ZNF678: variants seen among roughly 807,000 people sequenced by gnomAD.
ZNF678 encodes zinc finger protein 678.
Under a neutral mutation model 3.0 loss-of-function variants are expected in ZNF678, and 5 were observed. That is an observed-to-expected ratio of 1.69 (90% CI 0.88 to 3.56). The LOEUF (loss-of-function observed/expected upper bound fraction) is 3.56. Ranked by LOEUF, ZNF678 falls within the 30% of genes most tolerant of loss-of-function variation. ZNF678 has a pLI of 0.00. For synonymous variants in ZNF678, 218 were observed against 199.6 expected, an observed-to-expected ratio of 1.09 and a Z score of -0.78; for missense variants, 593 against 605.0, an observed-to-expected ratio of 0.98 and a Z score of 0.21.
At chr1:227,570,670 T>C (rs68170204) in intron 1 of ZNF678, among the ~76,000 whole-genome samples, 11,814 of 144,712 alleles carry the variant, frequency 0.082, 894 homozygotes, top group East Asian at 0.37. Flanking sequence ...GATGGCTGAC[T>C]AGTTTTTTTT....
intron 1 of ZNF678, among the ~76,000 whole-genome samples, chr1:227,624,388 A>G (rs1658355387): frequency 6.6e-6 from 1 of 152,232 alleles, no homozygotes; most frequent in Non-Finnish European, 1.5e-5. Flanking sequence ...GCATACTCAG[A>G]GTACCTGGTT....
intron 3 of ZNF678, among the ~76,000 whole-genome samples, chr1:227,653,523 T>G (rs1407697247): frequency 6.6e-6 from 1 of 152,122 alleles, no homozygotes; most frequent in Non-Finnish European, 1.5e-5. Flanking sequence ...CATGTTACCC[T>G]GATAACTTTG....
chr1:227,673,059 T>C (rs1258180279), intron 5 of ZNF678, among the ~76,000 whole-genome samples: 1 of 152,118 alleles, frequency 6.6e-6, no homozygotes, highest in Non-Finnish European at 1.5e-5. Flanking sequence ...AAATGGACCC[T>C]GGCCCTCTCT....
chr1:227,564,120 T>C (rs983839166), intron 1 of ZNF678, among the ~76,000 whole-genome samples: 1 of 152,244 alleles, frequency 6.6e-6, no homozygotes, highest in Non-Finnish European at 1.5e-5. Context: ...GGGAGTTTCA[T>C]GAATGGGAGA....
chr1:227,588,840 A>G (rs1164223004), intron 1 of ZNF678, among the ~76,000 whole-genome samples: 1 of 151,326 alleles, frequency 6.6e-6, no homozygotes, highest in Non-Finnish European at 1.5e-5. Context: ...TTTGATTGGC[A>G]TGAGATGGTA....
chr1:227,645,252 G>A (rs1322485839), intron 1 of ZNF678, among the ~76,000 whole-genome samples: 1 of 152,164 alleles, frequency 6.6e-6, no homozygotes, highest in African/African-American at 2.4e-5. Context: ...CTCAAGATGT[G>A]TGATTTGTCC....
At position 227,646,666 on chromosome 1, in the gene ZNF678, C is replaced by G; in HGVS notation, c.-41C>G. 2 of 1,371,670 alleles carry G rather than the reference C, an allele frequency of 1.5e-6. No individual in the cohort carries two copies. Among genetic ancestry groups the G allele is most frequent in the Non-Finnish European group, 2.0e-6 (2 of 1,024,566 alleles). The allele number at this position is 1,371,670 out of a possible 1,614,324, so 85.0% of individuals were successfully genotyped here. A position where few individuals can be genotyped will look rare whatever the true frequency, so the allele number is the denominator to read the frequency against. ...TCGAGAACTACAGAAACCTGGTCTC[C>G]CTGGGTGAGGATAACTTCAATACAC... On this transcript the variant is annotated 5_prime_UTR_variant, in exon 2 of 4. Coordinates refer to ENST00000343776, the MANE Select transcript of ZNF678 (RefSeq NM_001367909.1).
At chr1:227,648,606 T>C (rs968473882) in intron 2 of ZNF678, among the ~76,000 whole-genome samples, 2 of 152,124 alleles carry the variant, frequency 1.3e-5, no homozygotes, top group African/African-American at 4.8e-5. Context: ...TCACTTGTGG[T>C]TAGGAGTTCG....
At chr1:227,653,252 T>TG (rs1390545704) in intron 3 of ZNF678, among the ~76,000 whole-genome samples, 1 of 152,008 alleles carries the variant, frequency 6.6e-6, no homozygotes, top group Non-Finnish European at 1.5e-5. Flanking sequence ...GTTCTTTTTG[T>TG]GTTTATTCTT....
chr1:227,610,282 T>C (rs1657984082), intron 1 of ZNF678, among the ~76,000 whole-genome samples: 1 of 152,180 alleles, frequency 6.6e-6, no homozygotes, highest in Non-Finnish European at 1.5e-5. Context: ...AAGGATTTAA[T>C]AAATAGCAGA....
intron 1 of ZNF678, among the ~76,000 whole-genome samples, chr1:227,569,148 C>T (rs1289792202): frequency 6.6e-6 from 1 of 152,164 alleles, no homozygotes; most frequent in Non-Finnish European, 1.5e-5. Flanking sequence ...TACTACCATG[C>T]CTGGCTAATT....
At position 227,625,842 on chromosome 1, in the gene ZNF678, A is replaced by G. The variant is rs535340798; in HGVS notation, c.-163-20702A>G. On this transcript the variant is annotated intron_variant, in intron 1 of 3. Coordinates refer to ENST00000343776, the MANE Select transcript of ZNF678 (RefSeq NM_001367909.1). ...CCATCAGACATACCGGTATGGGTGA[A>G]GTAAGTCCAATAGACAGTGGCTCCA... Among the ~76,000 whole-genome samples, 3 of 152,256 alleles carry G rather than the reference A, an allele frequency of 2.0e-5. No homozygotes were observed. The South Asian group carries it at 6.2e-4, about 32-fold the overall frequency.
intron 1 of ZNF678, among the ~76,000 whole-genome samples, chr1:227,584,661 A>G (rs1056423974): frequency 2.0e-5 from 3 of 152,266 alleles, no homozygotes; most frequent in Non-Finnish European, 2.9e-5. Context: ...TTGGGGAGAA[A>G]GATTGTGCTC....
In ZNF678 at chr1:227,651,162, G is replaced by A. The variant is rs1015814567; in HGVS notation, c.85+86G>A. On this transcript the variant is annotated intron_variant, in intron 3 of 3. Transcript: ENST00000343776. ...AGAGGGGATATACCTGAGTCCTAAG[G>A]TTGTTGGCAGGGTCCACAATGGGGT... 6 of 1,455,304 alleles carry A rather than the reference G, an allele frequency of 4.1e-6. No homozygotes were observed. In the African/African-American group the frequency reaches 5.6e-5, roughly 14 times the overall value. 90.1% of individuals were successfully genotyped at this position (1,455,304 alleles called of 1,614,324 possible).
intron 3 of ZNF678, among the ~76,000 whole-genome samples, 160 bp from the exon 4 acceptor site, chr1:227,654,176 A>T (rs941218023): frequency 6.6e-6 from 1 of 151,996 alleles, no homozygotes; most frequent in Non-Finnish European, 1.5e-5. Context: ...TGGTCAGTAT[A>T]TTTTTGTTAA....
intron 1 of ZNF678, chr1:227,582,619 A>G (rs1367900626): frequency 4.8e-6 from 1 of 206,728 alleles, no homozygotes; most frequent in Non-Finnish European, 1.0e-5. Flanking sequence ...ATGAGACACC[A>G]CACCTGGTCC....
At position 227,638,046 on chromosome 1, in the gene ZNF678, G is replaced by A. The variant is rs1658724233; in HGVS notation, c.-163-8498G>A. ...GTTAACATATTGAAGGAGAGTGGACGGTTTTAGGGATAAGGTAGAGAGGTC... is the reference window on the plus strand; with the variant it reads ...GTTAACATATTGAAGGAGAGTGGACAGTTTTAGGGATAAGGTAGAGAGGTC... On this transcript the variant is annotated intron_variant, in intron 1 of 3. Transcript: ENST00000343776. This position sits in a 1 kb window ranked among gnomAD's most constrained non-coding sequence, Gnocchi z 4.2. Among the ~76,000 whole-genome samples, 1 of 151,966 alleles carries A rather than the reference G, an allele frequency of 6.6e-6. No homozygotes were observed. Among genetic ancestry groups the A allele is most frequent in the African/African-American group, 2.4e-5 (1 of 41,344 alleles).
chr1:227,638,148 C>T lies in ZNF678; in HGVS notation c.-163-8396C>T, dbSNP rs924942141. Among the ~76,000 whole-genome samples, 6 of 151,818 alleles carry T rather than the reference C, an allele frequency of 4.0e-5. No individual in the cohort carries two copies. The highest frequency in any genetic ancestry group is 3.9e-4 in the Admixed American group (6 of 15,240). On this transcript the variant is annotated intron_variant, in intron 1 of 3. Transcript: ENST00000343776. This position sits in a 1 kb window ranked among gnomAD's most constrained non-coding sequence, Gnocchi z 4.2. ...TGGTAGTACACACCAGGTGAGCTGACGTGAAAGGTGGGTGTCGGGGTTTTC... is the reference window on the plus strand; with the variant it reads ...TGGTAGTACACACCAGGTGAGCTGATGTGAAAGGTGGGTGTCGGGGTTTTC...
At chr1:227,585,300 G>GA (rs1398538846) in intron 1 of ZNF678, among the ~76,000 whole-genome samples, 2 of 152,100 alleles carry the variant, frequency 1.3e-5, no homozygotes, top group Non-Finnish European at 2.9e-5. Flanking sequence ...TAGCATAGCT[G>GA]AAAACACAGG....
Sources: allele counts gnomAD v4.1 joint callset (sites outside exome capture counted in the v4.1 genomes callset), GRCh38; gene constraint gnomAD v4.1.1; non-coding constraint Gnocchi (gnomAD v3.1); transcripts MANE v1.5; gene names NCBI Gene and HGNC (gene_info 2026-07-23, HGNC 2026-07-21).